ADGRL3: variants seen among roughly 807,000 people sequenced by gnomAD.
ADGRL3 encodes the protein adhesion G protein-coupled receptor L3.
In ADGRL3, 62 loss-of-function variants were observed where a neutral mutation model predicts 153.5. That is an observed-to-expected ratio of 0.40 (90% confidence interval 0.33 to 0.50). The LOEUF (loss-of-function observed/expected upper bound fraction) is 0.50, where lower values mean the gene tolerates loss of function less well. Among genes scored for constraint, ADGRL3 ranks in the 20% least tolerant of loss-of-function variants. The probability of loss-of-function intolerance (pLI) is 0.47; values close to 1 mark genes in which losing one functional copy is unlikely to be tolerated. For missense variants in ADGRL3, 1,641 were observed against 1,859.4 expected (o/e 0.88, Z 2.16); for synonymous variants, 710 against 672.5 (o/e 1.06, Z -0.86).
At chr4:61,298,692 C>G (rs2094489843) in intron 1 of ADGRL3, among the ~76,000 whole-genome samples, 2 of 152,112 alleles carry the variant, frequency 1.3e-5, no homozygotes, top group Admixed American at 6.5e-5. Flanking sequence ...AATCCTTAAA[C>G]AGTAGAGTTC....
At chr4:61,951,962 T>C (rs900296380) in intron 17 of ADGRL3, among the ~76,000 whole-genome samples, 1 of 152,150 alleles carries the variant, frequency 6.6e-6, no homozygotes, top group African/African-American at 2.4e-5. Context: ...ACAAGGGCTG[T>C]TGTGGTAGTC....
intron 1 of ADGRL3, among the ~76,000 whole-genome samples, chr4:61,323,127 C>T (rs1033539136): frequency 1.3e-5 from 2 of 152,214 alleles, no homozygotes; most frequent in Non-Finnish European, 2.9e-5. Flanking sequence ...CCTCTGCAGC[C>T]ACAGCCTAAG....
At chr4:61,447,681 T>G (rs1293841797) in intron 2 of ADGRL3, among the ~76,000 whole-genome samples, 4 of 152,208 alleles carry the variant, frequency 2.6e-5, no homozygotes, top group Non-Finnish European at 5.9e-5. Flanking sequence ...ATAAATCAAT[T>G]TTTGTATAAT....
chr4:62,060,663 C>G (rs540454980), intron 25 of ADGRL3, among the ~76,000 whole-genome samples: 2 of 151,812 alleles, frequency 1.3e-5, no homozygotes, highest in Non-Finnish European at 2.9e-5. Flanking sequence ...ACTAAATCCT[C>G]TTATTAATCT....
chr4:61,891,445 A>G (rs2098584748), intron 9 of ADGRL3, among the ~76,000 whole-genome samples: 1 of 152,198 alleles, frequency 6.6e-6, no homozygotes, highest in Non-Finnish European at 1.5e-5. Context: ...CAAAAGACAC[A>G]TAATAGACAG....
At chr4:61,342,196 A>G (rs569205687) in intron 1 of ADGRL3, among the ~76,000 whole-genome samples, 2 of 152,108 alleles carry the variant, frequency 1.3e-5, no homozygotes, top group African/African-American at 4.8e-5. Context: ...CTGGAGGCCT[A>G]CAATCCATTT....
chr4:61,851,617 T>C (rs62304398), intron 9 of ADGRL3, among the ~76,000 whole-genome samples: 1 of 146,516 alleles, frequency 6.8e-6, no homozygotes, highest in African/African-American at 2.6e-5. Context: ...AAAAAAAAAT[T>C]GAGGCTTTTG....
At chr4:61,429,548 T>G (rs1331095188) in intron 2 of ADGRL3, among the ~76,000 whole-genome samples, 1 of 152,154 alleles carries the variant, frequency 6.6e-6, no homozygotes, top group African/African-American at 2.4e-5. Flanking sequence ...TTCTGTAGCT[T>G]AGACTTGGAG....
intron 8 of ADGRL3, among the ~76,000 whole-genome samples, chr4:61,748,327 A>G (rs1276699847): frequency 1.3e-5 from 2 of 152,176 alleles, no homozygotes; most frequent in South Asian, 2.1e-4. Context: ...CAAGCTACCA[A>G]TGACTTTCTC....
intron 4 of ADGRL3, among the ~76,000 whole-genome samples, chr4:61,571,424 G>A (rs2098838309): frequency 1.3e-5 from 2 of 152,070 alleles, no homozygotes; most frequent in Admixed American, 6.6e-5. Flanking sequence ...GAGACGAGAG[G>A]ATCGCTTAGG....
At chr4:61,442,860 C>T (rs904791361) in intron 2 of ADGRL3, among the ~76,000 whole-genome samples, 6 of 151,950 alleles carry the variant, frequency 3.9e-5, no homozygotes, top group African/African-American at 1.5e-4. Flanking sequence ...TATAGTTTTT[C>T]CTTTCCAAGC....
chr4:61,662,519 A>C (rs531118078), intron 5 of ADGRL3, among the ~76,000 whole-genome samples: 3 of 152,328 alleles, frequency 2.0e-5, no homozygotes, highest in Admixed American at 2.0e-4. Context: ...TTGGGTGCCA[A>C]TGAGCATGGG....
intron 4 of ADGRL3, among the ~76,000 whole-genome samples, chr4:61,571,627 GT>G (rs1226731624): frequency 6.6e-6 from 1 of 152,088 alleles, no homozygotes; most frequent in Non-Finnish European, 1.5e-5. Context: ...ATGGCTCTCT[GT>G]GCCTGCGTTC....
At chr4:61,936,637 G>A (rs10019895) in intron 15 of ADGRL3, among the ~76,000 whole-genome samples, 2,618 of 151,688 alleles carry the variant, frequency 0.017, 80 homozygotes, top group African/African-American at 0.061. Flanking sequence ...ATGTTTAAAC[G>A]TACACACATA....
intron 2 of ADGRL3, among the ~76,000 whole-genome samples, chr4:61,403,948 C>T (rs1053220311): frequency 5.9e-5 from 9 of 151,912 alleles, no homozygotes; most frequent in African/African-American, 2.2e-4. Flanking sequence ...CCTTACAACC[C>T]TTATCGTCTT....
chr4:61,520,930 C>T (rs2098527286), intron 4 of ADGRL3, among the ~76,000 whole-genome samples: 1 of 152,048 alleles, frequency 6.6e-6, no homozygotes, highest in Non-Finnish European at 1.5e-5. Flanking sequence ...CTCCTCCCCT[C>T]CAGAGCACCA....
At chr4:61,531,501 A>G (rs2098615046) in intron 4 of ADGRL3, among the ~76,000 whole-genome samples, 1 of 152,082 alleles carries the variant, frequency 6.6e-6, no homozygotes, top group Non-Finnish European at 1.5e-5. Context: ...GTGATGAACA[A>G]CCTTCATCAC....
intron 11 of ADGRL3, 89 bp from the exon 12 acceptor site, chr4:61,909,471 C>A: frequency 2.4e-6 from 2 of 848,822 alleles, no homozygotes; most frequent in Non-Finnish European, 3.6e-6. Flanking sequence ...TCGATGATTA[C>A]AATTACATGC....
intron 9 of ADGRL3, among the ~76,000 whole-genome samples, chr4:61,887,505 T>C (rs551579000): frequency 6.6e-6 from 1 of 152,300 alleles, no homozygotes; most frequent in South Asian, 2.1e-4. Flanking sequence ...ATAATTACTC[T>C]ACACATTTTT....
Sources: gnomAD v4.1 joint callset for allele counts (sites outside exome capture counted in the v4.1 genomes callset) on GRCh38, gnomAD v4.1.1 for gene constraint, MANE v1.5 for transcripts, NCBI Gene and HGNC (gene_info 2026-07-23, HGNC 2026-07-21) for gene names.